TXNDC8: variants seen among roughly 807,000 people sequenced by gnomAD.
The protein encoded by TXNDC8 is thioredoxin domain-containing protein 8.
A neutral mutation model predicts 12.9 loss-of-function variants in TXNDC8; 15 were observed. The ratio of observed to expected loss-of-function variants is 1.16; its 90% CI spans 0.78 to 1.79. The LOEUF (loss-of-function observed/expected upper bound fraction) is 1.79, where lower values mean the gene tolerates loss of function less well. Ranked by LOEUF, TXNDC8 falls within the 40% of genes most tolerant of loss-of-function variation. TXNDC8 has a pLI of 0.00. For missense variants in TXNDC8, 128 were observed against 113.2 expected (o/e 1.13, Z -0.59); for synonymous variants, 40 against 35.4 (o/e 1.13, Z -0.46).
intron 1 of TXNDC8, among the ~76,000 whole-genome samples, chr9:110,335,443 T>C (rs1331581943): frequency 1.3e-5 from 2 of 152,184 alleles, no homozygotes; most frequent in African/African-American, 4.8e-5. Context: ...TAATACATAG[T>C]ACTCTGTTCA....
chr9:110,310,076 A>G (rs1838606974), intron 3 of TXNDC8, among the ~76,000 whole-genome samples: 1 of 152,154 alleles, frequency 6.6e-6, no homozygotes, highest in African/African-American at 2.4e-5. Flanking sequence ...TGGCACCTCT[A>G]CTTGCCAGAG....
chr9:110,305,431 A>G (rs1336088698), intron 3 of TXNDC8, among the ~76,000 whole-genome samples: 1 of 152,178 alleles, frequency 6.6e-6, no homozygotes, highest in Non-Finnish European at 1.5e-5. Flanking sequence ...TTGTAGGGAT[A>G]TCTTTGTGAG....
chr9:110,319,009 G>T (rs1431109620), intron 3 of TXNDC8, among the ~76,000 whole-genome samples: 2 of 152,302 alleles, frequency 1.3e-5, no homozygotes, highest in African/African-American at 2.4e-5. Context: ...GGTGCTGAAG[G>T]TTGCTAGATG....
intron 4 of TXNDC8, among the ~76,000 whole-genome samples, chr9:110,303,879 T>C (rs1253372471): frequency 6.6e-6 from 1 of 152,174 alleles, no homozygotes; most frequent in African/African-American, 2.4e-5. Flanking sequence ...ACAAACTCCA[T>C]CATTGGAACT....
intron 3 of TXNDC8, among the ~76,000 whole-genome samples, chr9:110,311,680 A>T (rs1460587590): frequency 8.9e-6 from 1 of 112,544 alleles, no homozygotes; most frequent in African/African-American, 3.4e-5. Context: ...GTATATCCTT[A>T]TATATATATA....
At chr9:110,305,602 C>CTT (rs1298661396) in intron 3 of TXNDC8, among the ~76,000 whole-genome samples, 3 of 106,098 alleles carry the variant, frequency 2.8e-5, no homozygotes, top group Non-Finnish European at 5.4e-5. Context: ...TTCTTTCTTT[C>CTT]TTTCTTTCTT....
At chr9:110,336,612 G>T (rs536860549) in intron 1 of TXNDC8, among the ~76,000 whole-genome samples, 8 of 152,244 alleles carry the variant, frequency 5.3e-5, no homozygotes, top group African/African-American at 1.9e-4. Context: ...TGCACAAACT[G>T]CTAGGATACC....
At chr9:110,331,895 G>C (rs1392916944) in intron 2 of TXNDC8, among the ~76,000 whole-genome samples, 1 of 152,130 alleles carries the variant, frequency 6.6e-6, no homozygotes, top group East Asian at 1.9e-4. Context: ...CTGTGGAGTG[G>C]TACTGATCCA....
At chr9:110,303,858 C>A in intron 4 of TXNDC8, 1 of 676,386 alleles carries the variant, frequency 1.5e-6, no homozygotes, top group Non-Finnish European at 2.4e-6. Flanking sequence ...GTATAATAAT[C>A]TCGGAAATAA....
chr9:110,303,995 A>T (rs1175203304), intron 4 of TXNDC8, among the ~76,000 whole-genome samples: 4 of 152,198 alleles, frequency 2.6e-5, no homozygotes, highest in Admixed American at 6.5e-5. Context: ...CTCCCCAGGT[A>T]AGAGTATTAT....
chr9:110,305,902 C>T (rs1237673026), intron 3 of TXNDC8, among the ~76,000 whole-genome samples: 1 of 147,396 alleles, frequency 6.8e-6, no homozygotes, highest in Non-Finnish European at 1.5e-5. Context: ...CTTTCTCTGT[C>T]ACCGACTTTG....
rs66474968 is a variant in TXNDC8, at chr9:110,311,521, GTATATATATATATATATATATATATA to G, written c.196-7015_196-6990del. Among the ~76,000 whole-genome samples, 41 of 41,246 alleles carry G rather than the reference GTATATATATATATATATATATATATA, an allele frequency of 9.9e-4. 1 individual carries two copies. The highest frequency in any genetic ancestry group is 1.7e-3 in the Admixed American group (7 of 4,084). The allele number at this position is 41,246 out of a possible 152,430, so 27.1% of individuals were successfully genotyped here. A position where few individuals can be genotyped will look rare whatever the true frequency, so the allele number is the denominator to read the frequency against. On this transcript the variant is annotated intron_variant, in intron 3 of 4. Coordinates refer to ENST00000423740, the MANE Select transcript of TXNDC8 (RefSeq NM_001286946.2). ...TAAAGAAAGTTACAAAAATAAAGAG[GTATATATATATATATATATATATATA>G]TATATATATATCTCCATACTATATA...
downstream of TXNDC8, among the ~76,000 whole-genome samples, chr9:110,301,268 T>C (rs1838267330): frequency 6.6e-6 from 1 of 152,190 alleles, no homozygotes; most frequent in African/African-American, 2.4e-5. Flanking sequence ...AGAGAACCAG[T>C]TGTTAAACAT....
At chr9:110,321,277 A>G (rs958719289) in intron 3 of TXNDC8, among the ~76,000 whole-genome samples, 1 of 152,188 alleles carries the variant, frequency 6.6e-6, no homozygotes, top group East Asian at 1.9e-4. Flanking sequence ...GGCAATCCTG[A>G]GATTCTTGGC....
At chr9:110,304,403 T>TCTCGGTGGTCGCCG in intron 4 of TXNDC8, 64 bp downstream of exon 5, 1 of 1,442,948 alleles carries the variant, frequency 6.9e-7, no homozygotes, top group Non-Finnish European at 9.6e-7. Context: ...GAGTGTGTCA[T>TCTCGGTGGTCGCCG]TATATTTATT....
Position 110,306,290 on chromosome 9 carries a change from G to T in TXNDC8, c.196-1758C>A, listed in dbSNP as rs115886124. Reference sequence around the variant, plus strand: ...GTTAACAATTCTGGTGGCTTTAGGGGACAAGTTTGCTACCAAATTCCATAT... The same window carrying T: ...GTTAACAATTCTGGTGGCTTTAGGGTACAAGTTTGCTACCAAATTCCATAT... On this transcript the variant is annotated intron_variant, in intron 3 of 4. Transcript: ENST00000423740. Among the ~76,000 whole-genome samples the T allele has an allele frequency of 3.0e-3, 455 of 152,284 alleles. 2 individuals are homozygous for T. Among genetic ancestry groups the T allele is most frequent in the African/African-American group, 0.01 (421 of 41,542 alleles).
At chr9:110,308,119 C>T (rs566796432) in intron 3 of TXNDC8, among the ~76,000 whole-genome samples, 10 of 152,336 alleles carry the variant, frequency 6.6e-5, no homozygotes, top group Admixed American at 4.6e-4. Flanking sequence ...ACCAATAGGA[C>T]AATTTGCTGA....
At chr9:110,312,031 C>G (rs1485034757) in intron 3 of TXNDC8, among the ~76,000 whole-genome samples, 3 of 151,338 alleles carry the variant, frequency 2.0e-5, no homozygotes, top group African/African-American at 7.3e-5. Context: ...GAATATCAAG[C>G]AGAGCAGGAG....
intron 3 of TXNDC8, among the ~76,000 whole-genome samples, chr9:110,314,954 T>G (rs1020135984): frequency 6.6e-6 from 1 of 152,160 alleles, no homozygotes; most frequent in Non-Finnish European, 1.5e-5. Flanking sequence ...ACCAAGAGAA[T>G]GGGGTGTGGC....
Sources: allele counts gnomAD v4.1 joint callset (sites outside exome capture counted in the v4.1 genomes callset), GRCh38; gene constraint gnomAD v4.1.1; transcripts MANE v1.5; gene names NCBI Gene and HGNC (gene_info 2026-07-23, HGNC 2026-07-21).